The following BICD1 variants were observed in gnomAD, a reference collection of about 807,000 sequenced individuals.
The protein encoded by BICD1 is BICD cargo adaptor 1, also known as protein bicaudal D homolog 1.
Under a neutral mutation model 92.5 loss-of-function variants are expected in BICD1, and 35 were observed. That is an observed-to-expected ratio of 0.38 (90% CI 0.29 to 0.50). BICD1 has a LOEUF of 0.50. BICD1 is among the 20% of genes least tolerant of loss of function. The pLI is 0.93. For synonymous variants in BICD1, 429 were observed against 465.1 expected, an observed-to-expected ratio of 0.92 and a Z score of 1.00; for missense variants, 950 against 1,189.8, an observed-to-expected ratio of 0.80 and a Z score of 2.97.
intron 1 of BICD1, among the ~76,000 whole-genome samples, chr12:32,115,330 C>T (rs1212333474): frequency 6.7e-6 from 1 of 149,220 alleles, no homozygotes; most frequent in Non-Finnish European, 1.5e-5. Context: ...TTCTTCTGTA[C>T]TTGTTTTAAA....
chr12:32,226,904 C>T (rs1453449916), intron 2 of BICD1, among the ~76,000 whole-genome samples: 2 of 152,186 alleles, frequency 1.3e-5, no homozygotes, highest in African/African-American at 2.4e-5. Context: ...TGGAGCCTGG[C>T]GGGGAAGGGA....
intron 2 of BICD1, among the ~76,000 whole-genome samples, chr12:32,234,336 G>T (rs1009139191): frequency 6.6e-6 from 1 of 152,098 alleles, no homozygotes; most frequent in Non-Finnish European, 1.5e-5. Flanking sequence ...GGTGGCTCAC[G>T]CCTGTAATCC....
intron 1 of BICD1, among the ~76,000 whole-genome samples, chr12:32,177,556 G>A (rs1944131156): frequency 6.7e-6 from 1 of 150,042 alleles, no homozygotes; most frequent in Non-Finnish European, 1.5e-5. Flanking sequence ...ATAGGCAAAA[G>A]AAAAGATGTG....
intron 1 of BICD1, among the ~76,000 whole-genome samples, chr12:32,154,436 A>T (rs375493684): frequency 6.6e-6 from 1 of 152,016 alleles, no homozygotes; most frequent in Non-Finnish European, 1.5e-5. Context: ...TTAAACTCCC[A>T]CTTTTGTCAG....
intron 3 of BICD1, among the ~76,000 whole-genome samples, chr12:32,297,754 T>G (rs972877528): frequency 6.6e-6 from 1 of 152,184 alleles, no homozygotes; most frequent in African/African-American, 2.4e-5. Flanking sequence ...ATTTTCTAAG[T>G]ACAGTGTAAT....
At chr12:32,296,691 T>G (rs1029940136) in intron 3 of BICD1, among the ~76,000 whole-genome samples, 3 of 152,170 alleles carry the variant, frequency 2.0e-5, no homozygotes, top group Non-Finnish European at 4.4e-5. Flanking sequence ...CACTGCTCTC[T>G]AGAGCATGGT....
intron 1 of BICD1, among the ~76,000 whole-genome samples, chr12:32,168,631 G>A (rs930846443): frequency 1.3e-5 from 2 of 152,186 alleles, no homozygotes; most frequent in East Asian, 3.8e-4. Flanking sequence ...GCAGGAACTT[G>A]GGATGTGAAC....
intron 9 of BICD1, among the ~76,000 whole-genome samples, chr12:32,373,834 C>T (rs7312128): frequency 0.43 from 64,453 of 150,742 alleles, 13,876 homozygotes; most frequent in Middle Eastern, 0.47. Context: ...GAGCCAAGAT[C>T]GCGCCAGTGC....
At chr12:32,125,424 C>G (rs1422398807) in intron 1 of BICD1, among the ~76,000 whole-genome samples, 2 of 152,344 alleles carry the variant, frequency 1.3e-5, no homozygotes, top group South Asian at 2.1e-4. Context: ...TCTTTCTCCT[C>G]TGGGAAGTTT....
At chr12:32,115,652 G>A (rs898433642) in intron 1 of BICD1, among the ~76,000 whole-genome samples, 1 of 152,126 alleles carries the variant, frequency 6.6e-6, no homozygotes, top group African/African-American at 2.4e-5. Context: ...AGTGAAAGAG[G>A]AAAAGGTGTA....
intron 8 of BICD1, among the ~76,000 whole-genome samples, chr12:32,355,595 A>C (rs1009207754): frequency 6.6e-6 from 1 of 152,168 alleles, no homozygotes; most frequent in Non-Finnish European, 1.5e-5. Flanking sequence ...TGAGGTCAGG[A>C]GTATGAGACT....
At chr12:32,127,966 C>T (rs112020347) in intron 1 of BICD1, among the ~76,000 whole-genome samples, 1 of 149,702 alleles carries the variant, frequency 6.7e-6, no homozygotes, top group African/African-American at 2.5e-5. Context: ...TGCAGTGGCG[C>T]GATCTCAGTT....
chr12:32,314,475 ATG>A (rs2136232992), intron 4 of BICD1, among the ~76,000 whole-genome samples: 1 of 152,282 alleles, frequency 6.6e-6, no homozygotes, highest in Admixed American at 6.5e-5. Context: ...ATCCTGGTGG[ATG>A]TGAAGTGGTA....
chr12:32,128,939 AT>A (rs139938197), intron 1 of BICD1, among the ~76,000 whole-genome samples: 43,433 of 148,514 alleles, frequency 0.29, 6,499 homozygotes, highest in Admixed American at 0.44. Flanking sequence ...TGTCCAACTA[AT>A]TTTTTTTTTC....
At chr12:32,274,363 A>C (rs1592594898) in intron 2 of BICD1, among the ~76,000 whole-genome samples, 2 of 152,294 alleles carry the variant, frequency 1.3e-5, no homozygotes, top group East Asian at 3.9e-4. Flanking sequence ...CAGAACAGGA[A>C]AGATTCTGGA....
intron 1 of BICD1, among the ~76,000 whole-genome samples, chr12:32,197,098 T>A (rs1158004333): frequency 1.3e-5 from 2 of 151,842 alleles, no homozygotes; most frequent in Non-Finnish European, 1.5e-5. Flanking sequence ...AACCTCTGCC[T>A]CCCAGGTTCA....
At chr12:32,266,600 G>A (rs1366173868) in intron 2 of BICD1, among the ~76,000 whole-genome samples, 2 of 152,054 alleles carry the variant, frequency 1.3e-5, no homozygotes, top group African/African-American at 4.8e-5. Flanking sequence ...AATTTAGAAT[G>A]AGCCCCAGCA....
At chr12:32,218,368 C>CG (rs1436196357) in intron 2 of BICD1, among the ~76,000 whole-genome samples, 2 of 152,142 alleles carry the variant, frequency 1.3e-5, no homozygotes, top group Non-Finnish European at 2.9e-5. Context: ...ACCATGAACA[C>CG]GGGGCCCCCT....
At chr12:32,292,578 T>C (rs1362398142) in intron 2 of BICD1, among the ~76,000 whole-genome samples, 1 of 152,206 alleles carries the variant, frequency 6.6e-6, no homozygotes, top group Non-Finnish European at 1.5e-5. Context: ...AATATATTAG[T>C]GAGATTCATC....
Sources: gnomAD v4.1 joint callset for allele counts (sites outside exome capture counted in the v4.1 genomes callset) on GRCh38, gnomAD v4.1.1 for gene constraint, MANE v1.5 for transcripts, NCBI Gene and HGNC (gene_info 2026-07-23, HGNC 2026-07-21) for gene names.